PXYLP1: variants seen among roughly 807,000 people sequenced by gnomAD.
PXYLP1 encodes the protein 2-phosphoxylose phosphatase 1, also known as acid phosphatase-like 2.
Under a neutral mutation model 37.9 loss-of-function variants are expected in PXYLP1, and 17 were observed. The observed-to-expected ratio is 0.45, with a 90% CI of 0.31 to 0.67. PXYLP1 has a LOEUF of 0.67. Among genes scored for constraint, PXYLP1 ranks in the 30% least tolerant of loss-of-function variants. PXYLP1 has a pLI of 0.07. For missense variants in PXYLP1, 511 were observed against 612.0 expected, an observed-to-expected ratio of 0.84 and a Z score of 1.74; for synonymous variants, 221 against 232.2, an observed-to-expected ratio of 0.95 and a Z score of 0.44.
intron 1 of PXYLP1, among the ~76,000 whole-genome samples, chr3:141,237,406 G>A (rs7652530): frequency 0.53 from 80,740 of 152,016 alleles, 22,510 homozygotes; most frequent in South Asian, 0.7. Context: ...ACAGTGCAGT[G>A]ATTGAGTGTG....
intron 1 of PXYLP1, among the ~76,000 whole-genome samples, chr3:141,249,378 A>G (rs1398953094): frequency 2.7e-5 from 4 of 149,204 alleles, no homozygotes; most frequent in African/African-American, 5.0e-5. Context: ...CCTATATAAT[A>G]TTGTTAACAC....
chr3:141,285,123 GT>G (rs1182552683), intron 4 of PXYLP1, among the ~76,000 whole-genome samples: 1 of 120,838 alleles, frequency 8.3e-6, no homozygotes, highest in Non-Finnish European at 1.7e-5. Flanking sequence ...GTTGTCAAAT[GT>G]TTTTTTTCTT....
rs1049785445 is a variant in PXYLP1, at chr3:141,294,519, T to C, written c.*1314T>C. The C allele has an allele frequency of 6.6e-6, 1 of 152,220 alleles. No homozygotes were observed. The highest frequency in any genetic ancestry group is 2.4e-5 in the African/African-American group (1 of 41,446). 9.4% of individuals were successfully genotyped at this position (152,220 alleles called of 1,614,324 possible). A position where few individuals can be genotyped will look rare whatever the true frequency, so the allele number is the denominator to read the frequency against. On this transcript the variant is annotated 3_prime_UTR_variant, in exon 6 of 6. Coordinates refer to ENST00000286353, the MANE Select transcript of PXYLP1 (RefSeq NM_001037172.3). The stretch of plus-strand genomic sequence containing the variant: ...AACTAATGGTGCTAATTCAGAGAAA[T>C]GGAAAGTGAAAGTGAGATTCTCTGT...
intron 2 of PXYLP1, among the ~76,000 whole-genome samples, chr3:141,266,737 G>A (rs1941526198): frequency 6.6e-6 from 1 of 151,108 alleles, no homozygotes; most frequent in African/African-American, 2.4e-5. Context: ...GAAAGAGTGT[G>A]CATGTGTTTT....
intron 2 of PXYLP1, among the ~76,000 whole-genome samples, chr3:141,277,705 G>A (rs974419039): frequency 6.6e-6 from 1 of 152,186 alleles, no homozygotes; most frequent in Non-Finnish European, 1.5e-5. Flanking sequence ...CTCACTAATG[G>A]AATGAGGGTA....
At chr3:141,256,721 C>G (rs1432907933) in intron 1 of PXYLP1, among the ~76,000 whole-genome samples, 1 of 152,172 alleles carries the variant, frequency 6.6e-6, no homozygotes, top group Non-Finnish European at 1.5e-5. Context: ...AGAAGGCATC[C>G]TGGGATTCGG....
At chr3:141,283,113 C>T (rs550757811) in intron 4 of PXYLP1, among the ~76,000 whole-genome samples, 19 of 151,374 alleles carry the variant, frequency 1.3e-4, no homozygotes, top group African/African-American at 3.6e-4. Context: ...ACTACAGGCA[C>T]GCGCCACCAT....
intron 2 of PXYLP1, chr3:141,273,742 G>A (rs1410625087): frequency 5.1e-6 from 5 of 985,290 alleles, no homozygotes; most frequent in Middle Eastern, 5.2e-4. Flanking sequence ...AGAGAACACC[G>A]CCATAAAAGA....
At chr3:141,268,179 G>A (rs1295650538) in intron 2 of PXYLP1, among the ~76,000 whole-genome samples, 4 of 95,168 alleles carry the variant, frequency 4.2e-5, no homozygotes, top group Non-Finnish European at 7.8e-5. Context: ...GAGAGAGAGA[G>A]AGAGAGAGAG....
At chr3:141,248,947 G>A (rs1175681855) in intron 1 of PXYLP1, among the ~76,000 whole-genome samples, 1 of 151,676 alleles carries the variant, frequency 6.6e-6, no homozygotes. Context: ...TGGGATCTGA[G>A]TCAGAGAATC....
intron 5 of PXYLP1, among the ~76,000 whole-genome samples, chr3:141,290,959 C>A (rs1942187862): frequency 6.6e-6 from 1 of 152,144 alleles, no homozygotes; most frequent in South Asian, 2.1e-4. Flanking sequence ...ATGTTTGTCT[C>A]TCACGGTTTG....
At chr3:141,268,317 A>T (rs902434744) in intron 2 of PXYLP1, among the ~76,000 whole-genome samples, 8 of 151,978 alleles carry the variant, frequency 5.3e-5, no homozygotes, top group Non-Finnish European at 8.8e-5. Context: ...TATTCAGTGA[A>T]TTCAGGAAAG....
rs1941468385 is a variant in PXYLP1, at chr3:141,264,805, T to C, written c.79+4551T>C. ...TGCCTTGGTTTCCCCATCTGTAAAA[T>C]GGGGACAATGATAGTTCGTATTTCA... is the stretch of plus-strand genomic sequence containing the variant. On this transcript the variant is annotated intron_variant, in intron 2 of 5. Transcript: ENST00000286353. Among the ~76,000 whole-genome samples, 3 of 152,296 alleles carry C rather than the reference T, an allele frequency of 2.0e-5. No individual in the cohort carries two copies. The South Asian group carries it at 6.2e-4, about 32-fold the overall frequency.
intron 2 of PXYLP1, among the ~76,000 whole-genome samples, chr3:141,263,233 A>G (rs1488268888): frequency 6.6e-6 from 1 of 152,236 alleles, no homozygotes; most frequent in East Asian, 1.9e-4. Context: ...ACGTTTTTCT[A>G]CACTGTGGAA....
Position 141,289,871 on chromosome 3 carries a change from C to T in PXYLP1, c.506-2397C>T, listed in dbSNP as rs1443103569. 3.9e-5 allele frequency among the ~76,000 whole-genome samples: 6 copies of T among 152,174 alleles called. No homozygotes were observed. The East Asian group carries it at 1.2e-3, about 29-fold the overall frequency. On this transcript the variant is annotated intron_variant, in intron 5 of 5. Coordinates refer to ENST00000286353, the MANE Select transcript of PXYLP1 (RefSeq NM_001037172.3). ...AGTCTCTGGATCCAGGAGCTGCTAC[C>T]TGAGAAGAGGCTGGGGGGTTGGCCC...
Position 141,274,176 on chromosome 3 carries a change from T to A in PXYLP1, c.80-4166T>A. 2.9e-6 allele frequency: 3 copies of A among 1,035,420 alleles called. No homozygotes were observed. The South Asian group carries it at 1.2e-4, about 40-fold the overall frequency. The allele number at this position is 1,035,420 out of a possible 1,614,324, so 64.1% of individuals were successfully genotyped here. A position where few individuals can be genotyped will look rare whatever the true frequency, so the allele number is the denominator to read the frequency against. ...TGCCCCCAGCCCCTGGGTCTGTCCC[T>A]CAGCTCCCTTTATCTAGGTGATCGG... On this transcript the variant is annotated intron_variant, in intron 2 of 5. Coordinates refer to ENST00000286353, the MANE Select transcript of PXYLP1 (RefSeq NM_001037172.3).
At chr3:141,259,191 TTGTC>T (rs1349731365) in intron 1 of PXYLP1, among the ~76,000 whole-genome samples, 3 of 152,240 alleles carry the variant, frequency 2.0e-5, no homozygotes, top group Non-Finnish European at 4.4e-5. Context: ...TTATCTGATT[TTGTC>T]TGTCTGATCT....
intron 1 of PXYLP1, among the ~76,000 whole-genome samples, chr3:141,245,347 A>G (rs557495613): frequency 5.9e-5 from 9 of 152,308 alleles, no homozygotes; most frequent in South Asian, 2.1e-4. Context: ...GATTATAGGC[A>G]TGAGCCACCC....
chr3:141,273,692 A>G, intron 2 of PXYLP1: 5 of 985,380 alleles, frequency 5.1e-6, no homozygotes, highest in Non-Finnish European at 6.0e-6. Context: ...AGGGTTATAG[A>G]TGTGTGGACA....
Sources: gnomAD v4.1 joint callset for allele counts (sites outside exome capture counted in the v4.1 genomes callset) on GRCh38, gnomAD v4.1.1 for gene constraint, MANE v1.5 for transcripts, NCBI Gene and HGNC (gene_info 2026-07-23, HGNC 2026-07-21) for gene names.